Variants in GLYATL3 observed in about 807,000 individuals in gnomAD.
GLYATL3 encodes glycine N-acyltransferase-like protein 3.
In GLYATL3, 31 loss-of-function variants were observed where a neutral mutation model predicts 28.5. That is an observed-to-expected ratio of 1.09 (90% CI 0.82 to 1.47). The LOEUF (loss-of-function observed/expected upper bound fraction) is 1.47, where lower values mean the gene tolerates loss of function less well. Among genes scored for constraint, GLYATL3 ranks in the 40% most tolerant of loss-of-function variants. The probability of loss-of-function intolerance (pLI) is 0.00; values close to 1 mark genes in which losing one functional copy is unlikely to be tolerated. For synonymous variants in GLYATL3, 141 were observed against 140.2 expected, an observed-to-expected ratio of 1.01 and a Z score of -0.04; for missense variants, 369 against 351.5, an observed-to-expected ratio of 1.05 and a Z score of -0.40.
intron 5 of GLYATL3, among the ~76,000 whole-genome samples, chr6:49,524,681 G>C (rs1042829319): frequency 2.0e-4 from 30 of 152,174 alleles, no homozygotes; most frequent in African/African-American, 7.0e-4. Context: ...AGGCCGAGGA[G>C]ACAGTTTTAA....
At position 49,517,480 on chromosome 6, in the gene GLYATL3, C is replaced by G; in HGVS notation, c.237C>G (p.Tyr79Ter). The G allele has an allele frequency of 6.5e-7, 1 of 1,549,824 alleles. No homozygotes were observed. Among genetic ancestry groups the G allele is most frequent in the African/African-American group, 1.4e-5 (1 of 73,114 alleles). ...ATACTAATGCCTATGCTGTGTTCTA[C>G]AAGGATGTCAGGGCTTATCGACAGC... is the stretch of plus-strand genomic sequence containing the variant. ...DHYTNAYAVF[Y>*]KDVRAYRQLL... is the part of the protein sequence containing the mutation. The change falls in exon 4 of 6, where the codon TAC becomes TAG. Residue 79 changes from tyrosine (Y) to a stop codon, truncating the protein, a stop_gained. Transcript: ENST00000371197. LOFTEE classifies it high-confidence loss of function.
Position 49,526,713 on chromosome 6 carries a change from C to T in GLYATL3, c.666C>T (p.Arg222=), listed in dbSNP as rs1436025725. 6.4e-7 allele frequency: 1 copy of T among 1,551,634 alleles called. No homozygotes were observed. Among genetic ancestry groups the T allele is most frequent in the African/African-American group, 1.4e-5 (1 of 73,028 alleles). The change falls in exon 6 of 6, where the codon CGC becomes CGT. Residue 222 remains arginine (R), a synonymous_variant. Transcript: ENST00000371197. ...MCHGYTLPEH[R]RKGYSRLVAL... ...ATGGCTACACCCTGCCAGAACATCG[C>T]AGGAAAGGTTACAGCCGGCTGGTGG... is the stretch of plus-strand genomic sequence containing the variant.
In GLYATL3 at chr6:49,527,817, T is replaced by G. The variant is rs545658420; in HGVS notation, c.*903T>G. On this transcript the variant is annotated 3_prime_UTR_variant, in exon 6 of 6. Coordinates refer to ENST00000371197, the MANE Select transcript of GLYATL3 (RefSeq NM_001010904.2). ...ATATATGCATACACATATATATACA[T>G]TCTCTTCATTTCTTTTATATGTATA... 2.0e-5 allele frequency among the ~76,000 whole-genome samples: 3 copies of G among 152,282 alleles called. No homozygotes were observed. In the South Asian group the frequency reaches 6.2e-4, roughly 32 times the overall value.
chr6:49,512,266 C>CTTTT (rs11358799), intron 2 of GLYATL3, among the ~76,000 whole-genome samples, 198 bp downstream of exon 2: 2 of 129,364 alleles, frequency 1.5e-5, no homozygotes, highest in South Asian at 2.4e-4. Context: ...TTACACTTTT[C>CTTTT]TTTTTTTTTT....
intron 1 of GLYATL3, among the ~76,000 whole-genome samples, chr6:49,501,029 AC>A (rs986520997): frequency 4.6e-5 from 7 of 152,156 alleles, no homozygotes; most frequent in African/African-American, 1.7e-4. Context: ...TTAGTTTGTC[AC>A]CCTGAGTAAT....
At chr6:49,525,731 G>T (rs1769398782) in intron 5 of GLYATL3, among the ~76,000 whole-genome samples, 2 of 152,050 alleles carry the variant, frequency 1.3e-5, no homozygotes, top group Non-Finnish European at 2.9e-5. Flanking sequence ...CCTCTGATTG[G>T]CAACAGTTAG....
rs939212315 is a variant in GLYATL3, at chr6:49,527,266, T to G, written c.*352T>G. On this transcript the variant is annotated 3_prime_UTR_variant, in exon 6 of 6. Transcript: ENST00000371197. ...AGAGGACCACGTGGCTACTGCTTTTTGATTGCTGCTTGGACCTCTGCTCTG... is the reference window on the plus strand; with the variant it reads ...AGAGGACCACGTGGCTACTGCTTTTGGATTGCTGCTTGGACCTCTGCTCTG... Among the ~76,000 whole-genome samples, 12 of 152,206 alleles carry G rather than the reference T, an allele frequency of 7.9e-5. No individual in the cohort carries two copies. The highest frequency in any genetic ancestry group is 2.7e-4 in the African/African-American group (11 of 41,444).
intron 1 of GLYATL3, among the ~76,000 whole-genome samples, chr6:49,503,633 C>A (rs1225244758): frequency 6.6e-6 from 1 of 152,192 alleles, no homozygotes; most frequent in African/African-American, 2.4e-5. Flanking sequence ...ATAACACACT[C>A]CTTCTGAACT....
rs1351538031 is a variant in GLYATL3, at chr6:49,527,469, T to C, written c.*555T>C. ...CCTAGGACTCTAGCCTATAGTTCAC[T>C]GCCCTGGGAATGTTCAAATATAGTG... On this transcript the variant is annotated 3_prime_UTR_variant, in exon 6 of 6. Coordinates refer to ENST00000371197, the MANE Select transcript of GLYATL3 (RefSeq NM_001010904.2). 6.6e-6 allele frequency among the ~76,000 whole-genome samples: 1 copy of C among 152,226 alleles called. No individual in the cohort carries two copies. The highest frequency in any genetic ancestry group is 1.5e-5 in the Non-Finnish European group (1 of 68,044).
chr6:49,504,240 C>CT (rs59768534), intron 1 of GLYATL3, among the ~76,000 whole-genome samples: 50,772 of 138,968 alleles, frequency 0.37, 9,757 homozygotes, highest in East Asian at 0.61. Context: ...TTTTCTTTTT[C>CT]TTTTTTTTTT....
intron 1 of GLYATL3, among the ~76,000 whole-genome samples, chr6:49,501,120 C>T (rs1270244198): frequency 2.0e-5 from 3 of 152,122 alleles, no homozygotes; most frequent in African/African-American, 7.2e-5. Context: ...AAGCTGGAGG[C>T]CAGGCAGGGT....
At chr6:49,516,044 C>G (rs1769210906) in intron 3 of GLYATL3, among the ~76,000 whole-genome samples, 1 of 151,414 alleles carries the variant, frequency 6.6e-6, no homozygotes, top group African/African-American at 2.4e-5. Flanking sequence ...AACCGATTCT[C>G]CTGCCTCCGC....
chr6:49,508,409 CA>C (rs2127431566), intron 1 of GLYATL3, among the ~76,000 whole-genome samples: 1 of 152,294 alleles, frequency 6.6e-6, no homozygotes, highest in South Asian at 2.1e-4. Flanking sequence ...AAGCTGGTTA[CA>C]AACAATCCAT....
Position 49,517,177 on chromosome 6 carries a change from G to GA in GLYATL3, c.187-250dup, listed in dbSNP as rs1769231719. On this transcript the variant is annotated intron_variant, in intron 3 of 5. Transcript: ENST00000371197. ...CTGTCTAAAAAAAAAAAAAAGAAAA[G>GA]AAAGAAAGACAAAGAAAAACTCTTT... Among the ~76,000 whole-genome samples the GA allele has an allele frequency of 2.6e-3, 374 of 142,560 alleles. 1 individual carries two copies. The highest frequency in any genetic ancestry group is 8.4e-3 in the African/African-American group (326 of 38,902). 93.5% of individuals were successfully genotyped at this position (142,560 alleles called of 152,430 possible).
intron 5 of GLYATL3, among the ~76,000 whole-genome samples, chr6:49,522,567 A>G (rs1371105553): frequency 6.6e-6 from 1 of 152,206 alleles, no homozygotes; most frequent in Non-Finnish European, 1.5e-5. Flanking sequence ...TATATACTGT[A>G]GAATGATTAA....
rs977582392 is a variant in GLYATL3, at chr6:49,527,162, C to T, written c.*248C>T. 6.3e-5 allele frequency: 29 copies of T among 458,342 alleles called. No homozygotes were observed. In the Admixed American group the frequency reaches 8.0e-4, roughly 13 times the overall value. 28.4% of individuals were successfully genotyped at this position (458,342 alleles called of 1,614,324 possible). A position where few individuals can be genotyped will look rare whatever the true frequency, so the allele number is the denominator to read the frequency against. ...AGGACGATTGTCCTCCTGTAGGATCCACTGTAGGAGAATAGGTTCTAAAGC... is the reference window on the plus strand; with the variant it reads ...AGGACGATTGTCCTCCTGTAGGATCTACTGTAGGAGAATAGGTTCTAAAGC... On this transcript the variant is annotated 3_prime_UTR_variant, in exon 6 of 6. Transcript: ENST00000371197.
intron 2 of GLYATL3, among the ~76,000 whole-genome samples, chr6:49,513,698 G>A (rs2498469): frequency 0.01 from 1,592 of 152,204 alleles, 26 homozygotes; most frequent in African/African-American, 0.036. Context: ...AATATAAGCC[G>A]AACCCAATTT....
intron 1 of GLYATL3, 144 bp downstream of exon 1, chr6:49,500,186 G>C (rs1035485651): frequency 1.3e-5 from 2 of 151,996 alleles, no homozygotes; most frequent in African/African-American, 4.8e-5. Flanking sequence ...GATATATTTT[G>C]TTTTGTTTCT....
chr6:49,521,413 C>T (rs1329216793), intron 4 of GLYATL3, among the ~76,000 whole-genome samples: 2 of 152,092 alleles, frequency 1.3e-5, no homozygotes, highest in Non-Finnish European at 2.9e-5. Flanking sequence ...CTATGAAGAT[C>T]GTGATGAGTG....
Sources: gnomAD v4.1 joint callset for allele counts (sites outside exome capture counted in the v4.1 genomes callset) on GRCh38, gnomAD v4.1.1 for gene constraint, MANE v1.5 for transcripts, NCBI Gene and HGNC (gene_info 2026-07-23, HGNC 2026-07-21) for gene names.